SPATA13: variants seen among roughly 807,000 people sequenced by gnomAD.
SPATA13 encodes spermatogenesis-associated protein 13.
SPATA13 carries 50 observed loss-of-function variants against 104.0 expected under a neutral mutation model. The ratio of observed to expected loss-of-function variants is 0.48; its 90% confidence interval spans 0.38 to 0.61. SPATA13 has a LOEUF of 0.61. Ranked by LOEUF, SPATA13 falls within the 20% of genes least tolerant of loss-of-function variation. The probability of loss-of-function intolerance (pLI) is 0.00; values close to 1 mark genes in which losing one functional copy is unlikely to be tolerated. For missense variants in SPATA13, 1,524 were observed against 1,690.6 expected, an observed-to-expected ratio of 0.90 and a Z score of 1.73; for synonymous variants, 606 against 667.5, an observed-to-expected ratio of 0.91 and a Z score of 1.42.
intron 3 of SPATA13, among the ~76,000 whole-genome samples, chr13:24,075,804 G>A (rs1161754243): frequency 6.6e-6 from 1 of 152,198 alleles, no homozygotes; most frequent in Admixed American, 6.5e-5. Flanking sequence ...TCTTGCAGCA[G>A]CCTGTGGGTG....
intron 3 of SPATA13, among the ~76,000 whole-genome samples, chr13:24,021,651 C>A (rs985447802): frequency 6.6e-6 from 1 of 152,076 alleles, no homozygotes; most frequent in African/African-American, 2.4e-5. Context: ...CTGTATACGC[C>A]GTGCATTGGG....
chr13:23,997,460 C>T (rs1057375120), intron 2 of SPATA13, among the ~76,000 whole-genome samples: 3 of 152,226 alleles, frequency 2.0e-5, no homozygotes, highest in Non-Finnish European at 4.4e-5. Flanking sequence ...CTTTTTACTT[C>T]ATTCAGCATA....
At chr13:24,210,995 T>C (rs1870981239) in intron 1 of SPATA13, among the ~76,000 whole-genome samples, 1 of 152,210 alleles carries the variant, frequency 6.6e-6, no homozygotes, top group Non-Finnish European at 1.5e-5. Context: ...TTTATTCTTT[T>C]CGATGCTTTT....
intron 3 of SPATA13, among the ~76,000 whole-genome samples, chr13:24,250,903 G>A (rs1005532103): frequency 6.6e-6 from 1 of 152,172 alleles, no homozygotes; most frequent in African/African-American, 2.4e-5. Context: ...CTTCAGAGCA[G>A]CCAAAAGGAA....
At chr13:24,002,827 C>CT (rs1876042180) in intron 2 of SPATA13, among the ~76,000 whole-genome samples, 1 of 152,220 alleles carries the variant, frequency 6.6e-6, no homozygotes. Context: ...CCATCCAGCT[C>CT]TGTCTTTCCC....
At chr13:24,091,829 C>T (rs1879920501) in intron 3 of SPATA13, among the ~76,000 whole-genome samples, 3 of 151,998 alleles carry the variant, frequency 2.0e-5, no homozygotes, top group Non-Finnish European at 1.5e-5. Flanking sequence ...TGGGGAACAG[C>T]CAGGCAAGTT....
intron 11 of SPATA13, 150 bp downstream of exon 11, chr13:24,297,885 A>G: frequency 4.4e-6 from 4 of 915,776 alleles, no homozygotes; most frequent in Non-Finnish European, 6.4e-6. Flanking sequence ...AACCCTAAAT[A>G]CTTCTGAATG....
intron 3 of SPATA13, among the ~76,000 whole-genome samples, chr13:24,086,510 A>G (rs192717310): frequency 6.6e-6 from 1 of 151,966 alleles, no homozygotes; most frequent in African/African-American, 2.4e-5. Flanking sequence ...GAAAAATATG[A>G]AAGAAAGGAT....
At chr13:24,273,822 C>A (rs1874782657) in intron 4 of SPATA13, among the ~76,000 whole-genome samples, 1 of 152,126 alleles carries the variant, frequency 6.6e-6, no homozygotes, top group Admixed American at 6.5e-5. Context: ...ATGGTTACAA[C>A]TTTTGTTTGT....
chr13:24,243,520 G>A (rs902396455), intron 2 of SPATA13, among the ~76,000 whole-genome samples: 1 of 152,212 alleles, frequency 6.6e-6, no homozygotes, highest in Non-Finnish European at 1.5e-5. Context: ...GACAGACTGG[G>A]TTGTGAAATA....
intron 3 of SPATA13, among the ~76,000 whole-genome samples, chr13:24,144,528 C>T (rs891872423): frequency 3.3e-5 from 5 of 152,102 alleles, no homozygotes; most frequent in Non-Finnish European, 7.4e-5. Flanking sequence ...TGTCGCACAG[C>T]GTACACAATG....
chr13:24,022,896 A>T (rs1303497647), intron 3 of SPATA13, among the ~76,000 whole-genome samples: 7 of 152,140 alleles, frequency 4.6e-5, no homozygotes, highest in Admixed American at 4.6e-4. Context: ...ACCATTTTCT[A>T]AAAAAACTAT....
chr13:24,074,927 T>C (rs7987800), intron 3 of SPATA13, among the ~76,000 whole-genome samples: 1,170 of 111,990 alleles, frequency 0.01, 17 homozygotes, highest in African/African-American at 0.036. Context: ...GCATTTGCCT[T>C]ATTTGAACAG....
At chr13:24,137,221 C>T (rs1354360709) in intron 3 of SPATA13, among the ~76,000 whole-genome samples, 1 of 152,162 alleles carries the variant, frequency 6.6e-6, no homozygotes, top group African/African-American at 2.4e-5. Context: ...AAAATTATTT[C>T]ACCCCTTTGG....
At chr13:24,101,990 A>G (rs570639399) in intron 3 of SPATA13, among the ~76,000 whole-genome samples, 12 of 152,330 alleles carry the variant, frequency 7.9e-5, no homozygotes, top group African/African-American at 2.2e-4. Flanking sequence ...TCTTTTGGAT[A>G]TATACCCAGA....
chr13:24,123,334 C>T (rs1363487017), intron 3 of SPATA13: 47 of 1,376,614 alleles, frequency 3.4e-5, no homozygotes, highest in East Asian at 1.4e-4. Context: ...TGATCACTTT[C>T]GAACTTCACT....
At chr13:23,994,196 T>C (rs977872267) in intron 2 of SPATA13, among the ~76,000 whole-genome samples, 1 of 152,158 alleles carries the variant, frequency 6.6e-6, no homozygotes, top group African/African-American at 2.4e-5. Flanking sequence ...GTGAAAGGAT[T>C]AGGGACTTAG....
intron 4 of SPATA13, among the ~76,000 whole-genome samples, chr13:24,262,349 A>G (rs1874100470): frequency 6.9e-6 from 1 of 143,950 alleles, no homozygotes. Context: ...TTAAAATCCT[A>G]CTTCTAATTT....
intron 3 of SPATA13, among the ~76,000 whole-genome samples, chr13:24,042,606 C>G (rs568289541): frequency 1.3e-5 from 2 of 152,246 alleles, no homozygotes; most frequent in Non-Finnish European, 2.9e-5. Flanking sequence ...AGCACTGGCT[C>G]ATGGGCGGTC....
Sources: allele counts gnomAD v4.1 joint callset (sites outside exome capture counted in the v4.1 genomes callset), GRCh38; gene constraint gnomAD v4.1.1; transcripts MANE v1.5; gene names NCBI Gene and HGNC (gene_info 2026-07-23, HGNC 2026-07-21).